The following CTNNA2 variants were observed in gnomAD, a reference collection of about 807,000 sequenced individuals.
CTNNA2 encodes catenin alpha-2.
A neutral mutation model predicts 101.0 loss-of-function variants in CTNNA2; 42 were observed. That is an observed-to-expected ratio of 0.42 (90% CI 0.32 to 0.54). The LOEUF (loss-of-function observed/expected upper bound fraction) is 0.54. Ranked by LOEUF, CTNNA2 falls within the 20% of genes least tolerant of loss-of-function variation. The pLI is 0.14. For missense variants in CTNNA2, 871 were observed against 1,223.1 expected, an observed-to-expected ratio of 0.71 and a Z score of 4.29; for synonymous variants, 450 against 456.4, an observed-to-expected ratio of 0.99 and a Z score of 0.18.
intron 7 of CTNNA2, among the ~76,000 whole-genome samples, chr2:79,984,508 A>T (rs906693967): frequency 6.6e-6 from 1 of 152,152 alleles, no homozygotes; most frequent in African/African-American, 2.4e-5. Context: ...CATCCTGTCA[A>T]ATTTACAAGT....
intron 7 of CTNNA2, among the ~76,000 whole-genome samples, chr2:80,355,454 AG>A (rs1464973499): frequency 1.3e-5 from 2 of 152,182 alleles, no homozygotes; most frequent in African/African-American, 4.8e-5. Flanking sequence ...CTACATTCTA[AG>A]GATGATAGGG....
intron 7 of CTNNA2, among the ~76,000 whole-genome samples, chr2:80,214,907 G>T (rs542716231): frequency 6.6e-6 from 1 of 152,196 alleles, no homozygotes; most frequent in Non-Finnish European, 1.5e-5. Context: ...ATCAGACGTA[G>T]ATTTGGTCTT....
chr2:79,218,588 G>T (rs1190894167), intron 2 of CTNNA2, among the ~76,000 whole-genome samples: 1 of 152,112 alleles, frequency 6.6e-6, no homozygotes, highest in Non-Finnish European at 1.5e-5. Context: ...GACAATATAA[G>T]TGTTGCCAGT....
chr2:80,343,493 G>A (rs1281583991), intron 7 of CTNNA2, among the ~76,000 whole-genome samples: 5 of 151,664 alleles, frequency 3.3e-5, no homozygotes, highest in Non-Finnish European at 7.4e-5. Context: ...ATATAATTGG[G>A]AAGTTTTATT....
At chr2:80,254,841 G>A (rs922242163) in intron 7 of CTNNA2, among the ~76,000 whole-genome samples, 1 of 152,082 alleles carries the variant, frequency 6.6e-6, no homozygotes, top group African/African-American at 2.4e-5. Flanking sequence ...AAATTGATCT[G>A]GCCAAGATCA....
intron 9 of CTNNA2, among the ~76,000 whole-genome samples, chr2:80,510,833 G>A (rs941759295): frequency 7.9e-5 from 12 of 152,240 alleles, no homozygotes; most frequent in South Asian, 2.1e-4. Context: ...AAATGGTCAC[G>A]TGTGTCCTCT....
At chr2:79,308,879 A>T (rs531694426) in intron 2 of CTNNA2, among the ~76,000 whole-genome samples, 4 of 146,480 alleles carry the variant, frequency 2.7e-5, no homozygotes, top group Admixed American at 2.7e-4. Context: ...TACCTTTAAT[A>T]TTTTTATTTT....
chr2:80,646,955 CATAAT>C (rs1674164460), intron 18 of CTNNA2, among the ~76,000 whole-genome samples: 1 of 152,026 alleles, frequency 6.6e-6, no homozygotes. Context: ...ACAAATTTCT[CATAAT>C]AGTATTTGGC....
chr2:80,068,453 A>C (rs1698118525), intron 7 of CTNNA2, among the ~76,000 whole-genome samples: 2 of 152,242 alleles, frequency 1.3e-5, no homozygotes, highest in Non-Finnish European at 2.9e-5. Context: ...TCTCTCTTTA[A>C]CTGGAAATAT....
chr2:80,444,537 T>C (rs547305695), intron 9 of CTNNA2, among the ~76,000 whole-genome samples: 2 of 152,254 alleles, frequency 1.3e-5, no homozygotes, highest in East Asian at 3.9e-4. Flanking sequence ...AATTGTGGGA[T>C]GTTGATAGGG....
intron 1 of CTNNA2, among the ~76,000 whole-genome samples, chr2:79,543,247 A>G (rs1388443276): frequency 1.3e-5 from 2 of 152,184 alleles, no homozygotes; most frequent in Non-Finnish European, 2.9e-5. Context: ...GTAAAGTTTC[A>G]TTGAAACAAA....
intron 7 of CTNNA2, among the ~76,000 whole-genome samples, chr2:80,128,317 A>C (rs72926614): frequency 0.13 from 19,323 of 152,162 alleles, 1,476 homozygotes; most frequent in South Asian, 0.32. Context: ...TCAGTGTTAG[A>C]GAATCCTCAG....
chr2:79,344,099 C>T (rs1412933097), intron 3 of CTNNA2, among the ~76,000 whole-genome samples: 2 of 152,170 alleles, frequency 1.3e-5, no homozygotes, highest in East Asian at 1.9e-4. Context: ...GAACTCAGCT[C>T]CTTTCCACTT....
At chr2:79,776,715 T>C (rs1673992025) in intron 3 of CTNNA2, among the ~76,000 whole-genome samples, 1 of 152,256 alleles carries the variant, frequency 6.6e-6, no homozygotes, top group Non-Finnish European at 1.5e-5. Flanking sequence ...TATTCTTTAA[T>C]TCAGGACAGA....
intron 3 of CTNNA2, among the ~76,000 whole-genome samples, chr2:79,342,441 C>T (rs1401743599): frequency 6.6e-6 from 1 of 152,174 alleles, no homozygotes. Context: ...ACACATTCTT[C>T]ATATTTGCCT....
At chr2:80,516,444 C>T (rs1484939751) in intron 9 of CTNNA2, among the ~76,000 whole-genome samples, 1 of 152,166 alleles carries the variant, frequency 6.6e-6, no homozygotes, top group Non-Finnish European at 1.5e-5. Flanking sequence ...TTGTCTCACC[C>T]TACACAGCTC....
At chr2:79,956,851 T>G (rs1353248437) in intron 7 of CTNNA2, among the ~76,000 whole-genome samples, 26 of 82,404 alleles carry the variant, frequency 3.2e-4, no homozygotes, top group Non-Finnish European at 5.8e-4. Context: ...GGGTTTTTTT[T>G]TTTTTTTTTT....
intron 1 of CTNNA2, among the ~76,000 whole-genome samples, chr2:79,549,023 A>T (rs1413520505): frequency 6.6e-6 from 1 of 152,172 alleles, no homozygotes; most frequent in Non-Finnish European, 1.5e-5. Flanking sequence ...CTTAATGGTT[A>T]TGTGTCCACA....
intron 7 of CTNNA2, chr2:80,298,263 T>A (rs1675938220): frequency 6.6e-6 from 1 of 152,308 alleles, no homozygotes; most frequent in African/African-American, 2.4e-5. Flanking sequence ...TATTTGACAT[T>A]CTGTCAATGG....
Sources: gnomAD v4.1 joint callset for allele counts (sites outside exome capture counted in the v4.1 genomes callset) on GRCh38, gnomAD v4.1.1 for gene constraint, MANE v1.5 for transcripts, NCBI Gene and HGNC (gene_info 2026-07-23, HGNC 2026-07-21) for gene names.